The following AKAP19 variants were observed in gnomAD, a reference collection of about 807,000 sequenced individuals.
The protein encoded by AKAP19 is small A-kinase anchoring protein.
the AKAP19 span, among the ~76,000 whole-genome samples, chr2:189,938,746 G>C: frequency 3.2e-4 from 48 of 152,268 alleles, no homozygotes; most frequent in African/African-American, 1.1e-3. Context: ...AAGGATAAAT[G>C]CTTGGGGGAA....
chr2:190,058,536 C>T, the AKAP19 span, among the ~76,000 whole-genome samples: 1 of 151,816 alleles, frequency 6.6e-6, no homozygotes, highest in Admixed American at 6.6e-5. Context: ...ATTGTATAGT[C>T]TTTTAGACAC....
the AKAP19 span, chr2:190,200,526 C>G: frequency 1.1e-5 from 2 of 185,780 alleles, no homozygotes; most frequent in South Asian, 1.4e-4. Context: ...TTGTTTATAC[C>G]CAAAAAAAGT....
the AKAP19 span, chr2:190,057,670 T>C: frequency 1.4e-5 from 23 of 1,610,538 alleles, 1 homozygote; most frequent in South Asian, 2.5e-4. Context: ...ATCAGTAATA[T>C]CAATAGGCCT....
At chr2:190,102,005 C>G in the AKAP19 span, among the ~76,000 whole-genome samples, 1 of 152,148 alleles carries the variant, frequency 6.6e-6, no homozygotes, top group Non-Finnish European at 1.5e-5. Context: ...ACCATACTCT[C>G]AGATCACAGT....
At chr2:190,123,630 G>A in the AKAP19 span, among the ~76,000 whole-genome samples, 11 of 152,122 alleles carry the variant, frequency 7.2e-5, no homozygotes, top group Middle Eastern at 3.2e-3. Context: ...TTCTCTGATC[G>A]CTCAGGATTG....
At chr2:189,960,965 C>T in the AKAP19 span, among the ~76,000 whole-genome samples, 1 of 152,156 alleles carries the variant, frequency 6.6e-6, no homozygotes, top group Non-Finnish European at 1.5e-5. Flanking sequence ...AAATATTGCC[C>T]AGCTTCACAC....
At chr2:190,202,312 T>C in the AKAP19 span, 7 of 167,196 alleles carry the variant, frequency 4.2e-5, no homozygotes, top group Admixed American at 1.3e-4. Context: ...GAAACACTTA[T>C]GTCTGAAATA....
At chr2:190,190,197 A>AAGTT in the AKAP19 span, among the ~76,000 whole-genome samples, 2 of 152,194 alleles carry the variant, frequency 1.3e-5, no homozygotes, top group African/African-American at 4.8e-5. Context: ...ATAGCCTAGA[A>AAGTT]AGTTATTTCA....
chr2:189,928,023 G>A, the AKAP19 span, among the ~76,000 whole-genome samples: 4 of 152,220 alleles, frequency 2.6e-5, no homozygotes, highest in East Asian at 7.7e-4. Context: ...AGGAATGATT[G>A]CGCAATCAAG....
chr2:189,918,114 T>A, the AKAP19 span, among the ~76,000 whole-genome samples: 23 of 152,054 alleles, frequency 1.5e-4, no homozygotes, highest in Non-Finnish European at 3.1e-4. Context: ...TATTTATAAT[T>A]GTCTTAAGTA....
the AKAP19 span, chr2:190,060,573 A>G: frequency 4.0e-6 from 3 of 741,878 alleles, no homozygotes; most frequent in East Asian, 8.2e-5. Context: ...ACCGTGTGGA[A>G]CTTTATAACT....
chr2:190,071,014 G>A, the AKAP19 span, among the ~76,000 whole-genome samples: 3,713 of 152,244 alleles, frequency 0.024, 163 homozygotes, highest in East Asian at 0.18. Flanking sequence ...AGATTATAAC[G>A]GAGCTGAAAC....
the AKAP19 span, among the ~76,000 whole-genome samples, chr2:189,913,568 A>G: frequency 6.6e-6 from 1 of 152,058 alleles, no homozygotes; most frequent in African/African-American, 2.4e-5. Flanking sequence ...ATTTATTATT[A>G]AAATATTGGC....
the AKAP19 span, among the ~76,000 whole-genome samples, chr2:189,962,835 A>AT: frequency 6.6e-5 from 10 of 152,000 alleles, no homozygotes; most frequent in Admixed American, 6.6e-4. Context: ...TGTATTGGAT[A>AT]TTTTTTATAA....
At chr2:189,983,292 G>T in the AKAP19 span, among the ~76,000 whole-genome samples, 1 of 152,134 alleles carries the variant, frequency 6.6e-6, no homozygotes, top group Non-Finnish European at 1.5e-5. Flanking sequence ...AAATGGGCTT[G>T]TGGCAGCGCC....
At chr2:190,188,947 A>G in the AKAP19 span, among the ~76,000 whole-genome samples, 1 of 152,226 alleles carries the variant, frequency 6.6e-6, no homozygotes, top group African/African-American at 2.4e-5. Flanking sequence ...TCAGCATGCC[A>G]TGAGCAATTC....
At chr2:190,128,399 T>C in the AKAP19 span, among the ~76,000 whole-genome samples, 1 of 152,078 alleles carries the variant, frequency 6.6e-6, no homozygotes, top group Middle Eastern at 3.2e-3. Context: ...CAGAAATCTA[T>C]CCACAAGGCA....
the AKAP19 span, among the ~76,000 whole-genome samples, chr2:190,139,386 G>A: frequency 2.0e-5 from 3 of 152,228 alleles, no homozygotes; most frequent in Admixed American, 2.0e-4. Context: ...AGTCAGAGAT[G>A]TAGGATGGGG....
chr2:190,056,836 C>T, the AKAP19 span: 5 of 190,876 alleles, frequency 2.6e-5, no homozygotes, highest in African/African-American at 2.4e-5. Context: ...AAGGATGATT[C>T]GAATGATGGT....
Sources: allele counts gnomAD v4.1 joint callset (sites outside exome capture counted in the v4.1 genomes callset), GRCh38; gene constraint gnomAD v4.1.1; transcripts MANE v1.5; gene names NCBI Gene and HGNC (gene_info 2026-07-23, HGNC 2026-07-21).